Variants in RBM47 observed in about 807,000 individuals in gnomAD.
RBM47 encodes the protein RNA-binding protein 47.
RBM47 carries 21 observed loss-of-function variants against 47.1 expected under a neutral mutation model. The observed-to-expected ratio is 0.45, with a 90% confidence interval of 0.32 to 0.64. The LOEUF (loss-of-function observed/expected upper bound fraction) is 0.64, where lower values mean the gene tolerates loss of function less well. RBM47 is among the 30% of genes least tolerant of loss of function. RBM47 has a pLI of 0.05. For synonymous variants in RBM47, 375 were observed against 361.7 expected (o/e 1.04, Z -0.42); for missense variants, 708 against 870.9 (o/e 0.81, Z 2.35).
intron 1 of RBM47, among the ~76,000 whole-genome samples, chr4:40,588,478 G>T (rs1733805761): frequency 6.6e-6 from 1 of 152,198 alleles, no homozygotes; most frequent in Non-Finnish European, 1.5e-5. Context: ...TAGGGTCAGG[G>T]AGCAAGCTAT....
rs1027358258 is a variant in RBM47, at chr4:40,440,996, T to C, written c.-31-2072A>G. The stretch of plus-strand genomic sequence containing the variant: ...CTGTTACACGTGGCTTCTATTCTTA[T>C]TATTTTTTTCCTCTTCAAGTGCTTG... On this transcript the variant is annotated intron_variant, in intron 3 of 6. Transcript: ENST00000295971. Among the ~76,000 whole-genome samples, 86 of 152,330 alleles carry C rather than the reference T, an allele frequency of 5.6e-4. 1 individual carries two copies. The highest frequency in any genetic ancestry group is 1.9e-3 in the African/African-American group (79 of 41,588).
At chr4:40,471,702 A>G (rs1322077996) in intron 2 of RBM47, among the ~76,000 whole-genome samples, 1 of 151,862 alleles carries the variant, frequency 6.6e-6, no homozygotes, top group African/African-American at 2.4e-5. Flanking sequence ...TCAAAAAAAA[A>G]AAAAAAGGAA....
At chr4:40,430,245 CAAACA>C (rs1279545990) in intron 6 of RBM47, among the ~76,000 whole-genome samples, 3 of 94,640 alleles carry the variant, frequency 3.2e-5, no homozygotes, top group Admixed American at 1.1e-4. Flanking sequence ...AAGACAAAAA[CAAACA>C]AAAAAAAAAC....
intron 2 of RBM47, chr4:40,514,498 A>G (rs773220545): frequency 6.6e-6 from 1 of 152,174 alleles, no homozygotes. Flanking sequence ...TGAATATACT[A>G]AAGTAGGAAG....
chr4:40,509,362 C>T (rs1185465131), intron 2 of RBM47, among the ~76,000 whole-genome samples: 5 of 152,146 alleles, frequency 3.3e-5, no homozygotes, highest in African/African-American at 1.2e-4. Flanking sequence ...AAAAATATTT[C>T]TAAAATGATT....
At chr4:40,503,073 T>C (rs1723611301) in intron 2 of RBM47, among the ~76,000 whole-genome samples, 2 of 151,886 alleles carry the variant, frequency 1.3e-5, no homozygotes, top group Non-Finnish European at 2.9e-5. Context: ...CATCACAGAC[T>C]CAGAAACAGT....
intron 3 of RBM47, among the ~76,000 whole-genome samples, chr4:40,445,195 G>A (rs1228311172): frequency 2.0e-5 from 3 of 150,512 alleles, no homozygotes; most frequent in African/African-American, 2.4e-5. Flanking sequence ...AATGGCGTGA[G>A]CCCGAGAGTC....
intron 2 of RBM47, among the ~76,000 whole-genome samples, chr4:40,519,178 T>C (rs1008582426): frequency 2.0e-5 from 3 of 152,066 alleles, no homozygotes; most frequent in African/African-American, 7.2e-5. Flanking sequence ...ACCACTGTAC[T>C]CTGCCCTGGG....
chr4:40,532,756 G>A (rs902368676), intron 2 of RBM47, among the ~76,000 whole-genome samples: 1 of 149,534 alleles, frequency 6.7e-6, no homozygotes, highest in Non-Finnish European at 1.5e-5. Flanking sequence ...AGATTTTTGA[G>A]ACCCCCTTCA....
chr4:40,516,014 T>C (rs1725521215), intron 2 of RBM47: 1 of 152,416 alleles, frequency 6.6e-6, no homozygotes, highest in Admixed American at 6.5e-5. Flanking sequence ...GACCGTTTTA[T>C]CTGCCTGCCC....
At chr4:40,584,321 C>A (rs1733326605) in intron 1 of RBM47, among the ~76,000 whole-genome samples, 1 of 152,134 alleles carries the variant, frequency 6.6e-6, no homozygotes. Context: ...CCAAGGTAAG[C>A]TGGTAAAAAC....
intron 1 of RBM47, among the ~76,000 whole-genome samples, chr4:40,625,062 C>A (rs1273455212): frequency 6.6e-6 from 1 of 151,996 alleles, no homozygotes; most frequent in Non-Finnish European, 1.5e-5. Context: ...ATTGGCCAGG[C>A]TGATCTCGAA....
At chr4:40,553,088 C>T (rs1729723833) in intron 1 of RBM47, among the ~76,000 whole-genome samples, 1 of 151,292 alleles carries the variant, frequency 6.6e-6, no homozygotes, top group South Asian at 2.1e-4. Flanking sequence ...CTGCCTCAGC[C>T]TCCCGAGTAG....
At chr4:40,547,037 G>C (rs1439199243) in intron 1 of RBM47, among the ~76,000 whole-genome samples, 3 of 152,192 alleles carry the variant, frequency 2.0e-5, no homozygotes, top group Non-Finnish European at 4.4e-5. Flanking sequence ...TCAGGTGTTT[G>C]AGCAGGTGCA....
rs1305808231 is a variant in RBM47 at position 40,425,989 on chromosome 4, T to C, written c.1697A>G (p.Tyr566Cys). The change falls in exon 7 of 7, where the codon TAT becomes TGT. Residue 566 changes from tyrosine to cysteine, a missense_variant. Transcript: ENST00000295971. ...AGGTATGTAGCCTGCGTATCCTCCA[T>C]ACATGGCGGCCGCGGCTGCCGCGTT... is the stretch of plus-strand genomic sequence containing the variant. Reference protein sequence around the residue: ...QKNAAAAAAMYGGYAGYIPQA... With the variant: ...QKNAAAAAAMCGGYAGYIPQA... The C allele has an allele frequency of 2.5e-6, 4 of 1,613,976 alleles. No homozygotes were observed. The highest frequency in any genetic ancestry group is 3.4e-6 in the Non-Finnish European group (4 of 1,180,034).
At chr4:40,583,644 G>C (rs986858545) in intron 1 of RBM47, among the ~76,000 whole-genome samples, 1 of 151,696 alleles carries the variant, frequency 6.6e-6, no homozygotes, top group Non-Finnish European at 1.5e-5. Context: ...GGATCATGAG[G>C]TCAGGAGATC....
intron 1 of RBM47, among the ~76,000 whole-genome samples, chr4:40,600,985 C>CAAAAAAAAAAAAAAA (rs56054491): frequency 0.024 from 1,178 of 49,728 alleles, 149 homozygotes; most frequent in Non-Finnish European, 0.03. Flanking sequence ...AACTCCGTCT[C>CAAAAAAAAAAAAAAA]AAAAAAAAAA....
intron 3 of RBM47, among the ~76,000 whole-genome samples, chr4:40,453,026 A>G (rs1190309292): frequency 6.6e-6 from 1 of 151,574 alleles, no homozygotes; most frequent in Admixed American, 6.6e-5. Context: ...GTATTTTTAG[A>G]GACGGGGTTT....
chr4:40,617,514 G>A (rs1003608004), intron 1 of RBM47, among the ~76,000 whole-genome samples: 2 of 151,858 alleles, frequency 1.3e-5, no homozygotes, highest in Admixed American at 6.6e-5. Flanking sequence ...AGCCAAGATC[G>A]TGCCACTGCA....
Sources: gnomAD v4.1 joint callset for allele counts (sites outside exome capture counted in the v4.1 genomes callset) on GRCh38, gnomAD v4.1.1 for gene constraint, MANE v1.5 for transcripts, NCBI Gene and HGNC (gene_info 2026-07-23, HGNC 2026-07-21) for gene names.